Variants in ZNF268 observed in about 807,000 individuals in gnomAD.
ZNF268 encodes the protein zinc finger protein 268, also known as zinc finger protein 3.
Under a neutral mutation model 29.3 loss-of-function variants are expected in ZNF268, and 20 were observed. The ratio of observed to expected loss-of-function variants is 0.68; its 90% confidence interval spans 0.48 to 0.99. The LOEUF (loss-of-function observed/expected upper bound fraction) is 0.99. ZNF268 is among the 50% of genes least tolerant of loss of function. The pLI, the probability that ZNF268 is intolerant of heterozygous loss-of-function variation, is 0.00. For missense variants in ZNF268, 1,240 were observed against 1,121.6 expected (o/e 1.11, Z -1.51); for synonymous variants, 429 against 376.9 (o/e 1.14, Z -1.60).
intron 2 of ZNF268, among the ~76,000 whole-genome samples, chr12:133,183,536 G>A (rs1038061651): frequency 6.6e-6 from 1 of 151,756 alleles, no homozygotes; most frequent in African/African-American, 2.4e-5. Context: ...AGAGGCAGAA[G>A]AAATTAGATT....
chr12:133,186,042 A>G (rs988246374), intron 2 of ZNF268, among the ~76,000 whole-genome samples: 1 of 152,178 alleles, frequency 6.6e-6, no homozygotes, highest in Non-Finnish European at 1.5e-5. Flanking sequence ...ATTAGGTATT[A>G]TCACCTTAAA....
rs1956861933 is a variant in ZNF268 at position 133,204,901 on chromosome 12, A to G, written c.*371A>G. 6.0e-6 allele frequency: 1 copy of G among 167,942 alleles called. No individual in the cohort carries two copies. Among genetic ancestry groups the G allele is most frequent in the East Asian group, 1.7e-4 (1 of 6,008 alleles). The allele number at this position is 167,942 out of a possible 1,614,324, so 10.4% of individuals were successfully genotyped here. On this transcript the variant is annotated 3_prime_UTR_variant, in exon 6 of 6. Coordinates refer to ENST00000536435, the MANE Select transcript of ZNF268 (RefSeq NM_003415.3). Reference sequence around the variant, plus strand: ...GATGAATATAGAATAGACTTCTTTGAAATTCATAGTTTACAGAATTTTAAT... The same window carrying G: ...GATGAATATAGAATAGACTTCTTTGGAATTCATAGTTTACAGAATTTTAAT...
intron 2 of ZNF268, among the ~76,000 whole-genome samples, chr12:133,187,149 T>C (rs1458244864): frequency 6.6e-6 from 1 of 152,156 alleles, no homozygotes; most frequent in Admixed American, 6.5e-5. Flanking sequence ...ATTTCATTCA[T>C]TGTTTCTTTT....
chr12:133,191,560 G>A lies in ZNF268; in HGVS notation c.306G>A (p.Gln102=), dbSNP rs766682845. ...WEEWQLLDPA[Q]KCLYRSVMLE... ...AGTGGCAGCTGCTAGACCCAGCACA[G>A]AAGTGCCTGTACAGGAGTGTGATGT... Residue 102 remains glutamine, a synonymous_variant, in exon 4 of 6, where the codon CAG becomes CAA. Coordinates refer to ENST00000536435, the MANE Select transcript of ZNF268 (RefSeq NM_003415.3). The A allele has an allele frequency of 4.3e-6, 7 of 1,614,060 alleles. No individual in the cohort carries two copies. The South Asian group carries it at 7.7e-5, about 18-fold the overall frequency.
intron 5 of ZNF268, among the ~76,000 whole-genome samples, chr12:133,194,897 C>T (rs1373539661): frequency 6.6e-6 from 1 of 152,186 alleles, no homozygotes; most frequent in Non-Finnish European, 1.5e-5. Context: ...TTTGCTGCAA[C>T]CCATATGTTG....
intron 5 of ZNF268, 42 bp downstream of exon 5, chr12:133,192,045 A>T: frequency 6.6e-7 from 1 of 1,514,858 alleles, no homozygotes; most frequent in Non-Finnish European, 9.1e-7. Context: ...ATTTAGAATT[A>T]GCATGAATTC....
chr12:133,195,032 G>A (rs1306442526), intron 5 of ZNF268, among the ~76,000 whole-genome samples: 1 of 66,246 alleles, frequency 1.5e-5, no homozygotes, highest in East Asian at 2.3e-4. Flanking sequence ...CAAATGTAGA[G>A]GGATAGAGAC....
chr12:133,194,757 A>T (rs1956555398), intron 5 of ZNF268, among the ~76,000 whole-genome samples: 1 of 152,188 alleles, frequency 6.6e-6, no homozygotes, highest in Admixed American at 6.5e-5. Context: ...TGGGGGTGGA[A>T]AAAAATCAGG....
rs1593930654 is a variant in ZNF268, at chr12:133,204,049, C to G, written c.2363C>G (p.Ala788Gly). 2 of 1,565,976 alleles carry G rather than the reference C, an allele frequency of 1.3e-6. No homozygotes were observed. The highest frequency in any genetic ancestry group is 4.7e-5 in the East Asian group (2 of 42,370). The change falls in exon 6 of 6, where the codon GCT becomes GGT. Residue 788 changes from alanine to glycine, a missense_variant. By Grantham distance (60) the Ala-to-Gly change is moderately conservative. This residue lies in a region of ZNF268 where 1,177 missense variants were observed against 1,039.6 expected (regional missense o/e 1.13). Transcript: ENST00000536435. ...TATGGGTGCAGTGAATGTGGGAAAG[C>G]TTTTAGCAGCAAGTCATACCTAATT... The part of the protein sequence containing the change: ...KPYGCSECGK[A>G]FSSKSYLIIH...
intron 5 of ZNF268, among the ~76,000 whole-genome samples, chr12:133,194,896 A>T (rs1411500222): frequency 6.6e-6 from 1 of 152,174 alleles, no homozygotes; most frequent in Non-Finnish European, 1.5e-5. Context: ...ATTTGCTGCA[A>T]CCCATATGTT....
At chr12:133,193,224 T>C (rs1002591986) in intron 5 of ZNF268, among the ~76,000 whole-genome samples, 1 of 152,148 alleles carries the variant, frequency 6.6e-6, no homozygotes, top group Non-Finnish European at 1.5e-5. Flanking sequence ...TCCCAGCTCC[T>C]TGGGAGGCTG....
In ZNF268 at chr12:133,202,124, CCAATTGTTCT is replaced by C. The variant is rs1426101452; in HGVS notation, c.458-17_458-8del. 6.5e-7 allele frequency: 1 copy of C among 1,531,360 alleles called. No individual in the cohort carries two copies. Among genetic ancestry groups the C allele is most frequent in the Admixed American group, 2.1e-5 (1 of 46,820 alleles). The allele number at this position is 1,531,360 out of a possible 1,614,324, so 94.9% of individuals were successfully genotyped here. On this transcript the variant is annotated splice_polypyrimidine_tract_variant and intron_variant, in intron 5 of 5. Coordinates refer to ENST00000536435, the MANE Select transcript of ZNF268 (RefSeq NM_003415.3). The stretch of plus-strand genomic sequence containing the variant: ...CAATCATGTGATTTATAACATGTGA[CCAATTGTTCT>C]CATTTCTAGACACAGTCTGGAAAAT...
chr12:133,188,379 TAGAG>T (rs1286362628), intron 3 of ZNF268, among the ~76,000 whole-genome samples: 1 of 151,978 alleles, frequency 6.6e-6, no homozygotes, highest in Non-Finnish European at 1.5e-5. Context: ...TTATTTTTAG[TAGAG>T]AGGAGGTCTC....
rs371690764 is a variant in ZNF268, at chr12:133,202,300, C to T, written c.614C>T (p.Thr205Met). 3.0e-5 allele frequency: 48 copies of T among 1,612,432 alleles called. No individual in the cohort carries two copies. Among genetic ancestry groups the T allele is most frequent in the East Asian group, 1.1e-4 (5 of 44,846 alleles). ...AGACAAAAACCTCATAAATGTGGCA[C>T]GCATGGAAAGAGTTTGAAATATATA... is the stretch of plus-strand genomic sequence containing the variant. Reference protein sequence around the residue: ...LSRQKPHKCGTHGKSLKYIDF... With the variant: ...LSRQKPHKCGMHGKSLKYIDF... Residue 205 changes from threonine to methionine, a missense_variant, in exon 6 of 6, where the codon ACG (threonine) becomes ATG (methionine). Thr to Met is a moderately conservative substitution (Grantham distance 81). Transcript: ENST00000536435.
At position 133,203,649 on chromosome 12, in the gene ZNF268, C is replaced by T. The variant is rs763813523; in HGVS notation, c.1963C>T (p.Leu655Phe). The change falls in exon 6 of 6, where the codon CTC becomes TTC. Residue 655 changes from leucine to phenylalanine, a missense_variant. Leu to Phe is a conservative substitution (Grantham distance 22). This residue lies in a region of ZNF268 where 1,177 missense variants were observed against 1,039.6 expected (regional missense o/e 1.13). Transcript: ENST00000536435. The part of the protein sequence containing the change: ...CGKAFTFKSQ[L>F]IVHKGVHTGV... Reference sequence around the variant, plus strand: ...AAAAGCCTTTACGTTCAAATCACAGCTCATTGTACATAAAGGAGTGCACAC... The same window carrying T: ...AAAAGCCTTTACGTTCAAATCACAGTTCATTGTACATAAAGGAGTGCACAC... 1 of 1,556,142 alleles carries T rather than the reference C, an allele frequency of 6.4e-7. No individual in the cohort carries two copies. Among genetic ancestry groups the T allele is most frequent in the South Asian group, 1.2e-5 (1 of 85,432 alleles).
chr12:133,183,435 G>A lies in ZNF268; in HGVS notation c.33+1405G>A, dbSNP rs113153399. Among the ~76,000 whole-genome samples, 598 of 151,988 alleles carry A rather than the reference G, an allele frequency of 3.9e-3. 3 individuals are homozygous for A. The highest frequency in any genetic ancestry group is 0.014 in the African/African-American group (575 of 41,402). Reference sequence around the variant, plus strand: ...GAATCGCTTGAACCCAGGAGGCAGAGGTTGCAGTCAGCCGAGATCGCGCCA... The same window carrying A: ...GAATCGCTTGAACCCAGGAGGCAGAAGTTGCAGTCAGCCGAGATCGCGCCA... On this transcript the variant is annotated intron_variant, in intron 2 of 5. Coordinates refer to ENST00000536435, the MANE Select transcript of ZNF268 (RefSeq NM_003415.3).
intron 2 of ZNF268, among the ~76,000 whole-genome samples, chr12:133,183,499 C>CA (rs376180879): frequency 4.0e-3 from 415 of 103,774 alleles, no homozygotes; most frequent in African/African-American, 8.6e-3. Context: ...GACTCTGTCT[C>CA]AAAAAAAAAA....
chr12:133,205,177 A>G lies in ZNF268; in HGVS notation c.*647A>G, dbSNP rs1956875539. On this transcript the variant is annotated 3_prime_UTR_variant, in exon 6 of 6. Coordinates refer to ENST00000536435, the MANE Select transcript of ZNF268 (RefSeq NM_003415.3). ...AAAAAAAAAAAAAAAAAAAAAACCA[A>G]CCTGTTATTATATCTTAATATTAAT... 1 of 141,226 alleles carries G rather than the reference A, an allele frequency of 7.1e-6. No homozygotes were observed. The highest frequency in any genetic ancestry group is 2.6e-5 in the African/African-American group (1 of 38,500). The allele number at this position is 141,226 out of a possible 1,614,324, so 8.7% of individuals were successfully genotyped here. A position where few individuals can be genotyped will look rare whatever the true frequency, so the allele number is the denominator to read the frequency against.
chr12:133,200,570 T>C (rs1195022318), intron 5 of ZNF268, among the ~76,000 whole-genome samples: 1 of 152,130 alleles, frequency 6.6e-6, no homozygotes, highest in Non-Finnish European at 1.5e-5. Context: ...TCCTTTTCTT[T>C]CATTACCCTG....
Sources: allele counts gnomAD v4.1 joint callset (sites outside exome capture counted in the v4.1 genomes callset), GRCh38; gene constraint gnomAD v4.1.1; regional missense constraint gnomAD v4.1.1; transcripts MANE v1.5; gene names NCBI Gene and HGNC (gene_info 2026-07-23, HGNC 2026-07-21).